MED12L: variants seen among roughly 807,000 people sequenced by gnomAD.
The protein encoded by MED12L is mediator of RNA polymerase II transcription subunit 12-like protein.
MED12L carries 60 observed loss-of-function variants against 281.3 expected under a neutral mutation model. The observed-to-expected ratio is 0.21, with a 90% CI of 0.17 to 0.26. MED12L has a LOEUF of 0.26. MED12L is among the 10% of genes least tolerant of loss of function. The pLI is 1.00. For synonymous variants in MED12L, 974 were observed against 987.2 expected (o/e 0.99, Z 0.25); for missense variants, 2,146 against 2,680.9 (o/e 0.80, Z 4.41).
intron 43 of MED12L, chr3:151,425,611 T>A (rs1718791024): frequency 2.2e-6 from 1 of 455,750 alleles, no homozygotes; most frequent in Non-Finnish European, 4.4e-6. Flanking sequence ...CAAACAATGG[T>A]ATTTCCTGGA....
chr3:151,313,749 CA>C (rs1457005252), intron 16 of MED12L, among the ~76,000 whole-genome samples: 1 of 152,040 alleles, frequency 6.6e-6, no homozygotes, highest in Non-Finnish European at 1.5e-5. Flanking sequence ...GAGTCTGAGG[CA>C]GGAGAATTGC....
intron 5 of MED12L, among the ~76,000 whole-genome samples, chr3:151,138,700 A>G (rs892129988): frequency 9.9e-5 from 15 of 152,196 alleles, no homozygotes; most frequent in African/African-American, 3.6e-4. Flanking sequence ...GACCAGGGTT[A>G]CAGAAGTCAA....
intron 16 of MED12L, among the ~76,000 whole-genome samples, chr3:151,320,656 T>A (rs1162962402): frequency 2.0e-5 from 3 of 152,224 alleles, no homozygotes. Flanking sequence ...GAACTTCATT[T>A]GATTAAAGGG....
chr3:151,360,452 C>A, intron 20 of MED12L, 22 bp from the exon 21 acceptor site: 1 of 1,606,054 alleles, frequency 6.2e-7, no homozygotes, highest in Non-Finnish European at 8.5e-7. Context: ...TGTCTTATTT[C>A]TTCGTATATT....
intron 5 of MED12L, among the ~76,000 whole-genome samples, chr3:151,129,715 T>TTG (rs62785262): frequency 0.031 from 4,569 of 147,596 alleles, 185 homozygotes; most frequent in African/African-American, 0.093. Flanking sequence ...ATATCTACAT[T>TTG]TGTGTGTGTG....
intron 16 of MED12L, among the ~76,000 whole-genome samples, chr3:151,287,961 G>T (rs1743755896): frequency 6.6e-6 from 1 of 152,116 alleles, no homozygotes; most frequent in African/African-American, 2.4e-5. Context: ...CCCAGAAAAA[G>T]TTTACCCTTT....
intron 11 of MED12L, among the ~76,000 whole-genome samples, chr3:151,176,418 T>G (rs539690380): frequency 3.0e-4 from 45 of 152,344 alleles, no homozygotes; most frequent in African/African-American, 9.9e-4. Flanking sequence ...TTTGGAAATA[T>G]AAGTATGGAA....
At position 151,416,329 on chromosome 3, in the gene MED12L, GCCCCAGCCCCAGCAGCCT is replaced by G. The variant is rs975838123; in HGVS notation, c.6331_6348del (p.Pro2111_Gln2116del). ...CTTTCCAGATGCAGCAGCCCCAGCA[GCCCCAGCCCCAGCAGCCT>G]CCCCAGCCCCAGCAGTCCTCGCAGT... On this transcript the variant is annotated inframe_deletion, in exon 43 of 45. Transcript: ENST00000687756. 27 of 1,610,646 alleles carry G rather than the reference GCCCCAGCCCCAGCAGCCT, an allele frequency of 1.7e-5. No homozygotes were observed. Among genetic ancestry groups the G allele is most frequent in the Middle Eastern group, 1.8e-4 (1 of 5,580 alleles).
intron 16 of MED12L, among the ~76,000 whole-genome samples, chr3:151,252,361 A>G (rs1336727465): frequency 6.6e-6 from 1 of 152,154 alleles, no homozygotes; most frequent in African/African-American, 2.4e-5. Context: ...GCTCATGGTC[A>G]TCGCTAAGAT....
intron 16 of MED12L, among the ~76,000 whole-genome samples, chr3:151,194,331 G>A (rs2149111437): frequency 6.6e-6 from 1 of 152,250 alleles, no homozygotes; most frequent in East Asian, 1.9e-4. Context: ...ATTATGGTAG[G>A]TACTTCTAGT....
At chr3:151,099,393 A>G (rs1721124050) in intron 2 of MED12L, among the ~76,000 whole-genome samples, 1 of 152,192 alleles carries the variant, frequency 6.6e-6, no homozygotes, top group Admixed American at 6.5e-5. Context: ...AAAACTGAGA[A>G]ATTTGAATAC....
At chr3:151,388,578 A>G (rs1295065786) in intron 37 of MED12L, among the ~76,000 whole-genome samples, 1 of 152,170 alleles carries the variant, frequency 6.6e-6, no homozygotes, top group African/African-American at 2.4e-5. Context: ...AAAAAGCTCT[A>G]TTTGGTTTTT....
chr3:151,313,542 T>TAA (rs35382265), intron 16 of MED12L, among the ~76,000 whole-genome samples: 120 of 148,056 alleles, frequency 8.1e-4, no homozygotes, highest in East Asian at 3.8e-3. Flanking sequence ...TTGTCTGAGT[T>TAA]AAAAAAAAAA....
At chr3:151,287,106 T>A (rs544098092) in intron 16 of MED12L, among the ~76,000 whole-genome samples, 1 of 152,296 alleles carries the variant, frequency 6.6e-6, no homozygotes, top group South Asian at 2.1e-4. Context: ...TCAGTAGACA[T>A]TAGGTATTTT....
chr3:151,274,344 T>G (rs1352210674), intron 16 of MED12L, among the ~76,000 whole-genome samples: 3 of 152,242 alleles, frequency 2.0e-5, no homozygotes, highest in Non-Finnish European at 4.4e-5. Flanking sequence ...CAGGGACAGC[T>G]GGTCTGACAT....
At chr3:151,295,599 T>C (rs186879116) in intron 16 of MED12L, among the ~76,000 whole-genome samples, 2 of 152,176 alleles carry the variant, frequency 1.3e-5, no homozygotes, top group Non-Finnish European at 2.9e-5. Flanking sequence ...AGCCAACACA[T>C]GGTTATTGTT....
intron 38 of MED12L, among the ~76,000 whole-genome samples, chr3:151,393,566 A>G (rs1714575091): frequency 6.6e-6 from 1 of 150,376 alleles, no homozygotes; most frequent in African/African-American, 2.4e-5. Context: ...TGGAACCCAC[A>G]AGGAATTTCC....
At chr3:151,162,402 TA>T (rs760729184) in intron 8 of MED12L, among the ~76,000 whole-genome samples, 4 of 152,170 alleles carry the variant, frequency 2.6e-5, no homozygotes, top group Admixed American at 6.5e-5. Flanking sequence ...TTTTTATTTT[TA>T]TTTTTTTTAA....
intron 16 of MED12L, among the ~76,000 whole-genome samples, chr3:151,267,471 C>T (rs1183899956): frequency 1.3e-5 from 2 of 152,060 alleles, no homozygotes; most frequent in Non-Finnish European, 2.9e-5. Context: ...TATTGATTAT[C>T]CCTGAAATGT....
Sources: gnomAD v4.1 joint callset for allele counts (sites outside exome capture counted in the v4.1 genomes callset) on GRCh38, gnomAD v4.1.1 for gene constraint, MANE v1.5 for transcripts, NCBI Gene and HGNC (gene_info 2026-07-23, HGNC 2026-07-21) for gene names.